Variants in ADAR observed in about 807,000 individuals in gnomAD.
The protein encoded by ADAR is adenosine deaminase RNA specific.
Under a neutral mutation model 113.2 loss-of-function variants are expected in ADAR, and 41 were observed. The observed-to-expected ratio is 0.36, with a 90% CI of 0.28 to 0.47. ADAR has a LOEUF of 0.47. ADAR is among the 20% of genes least tolerant of loss of function. The pLI is 1.00. For missense variants in ADAR, 1,242 were observed against 1,540.9 expected (o/e 0.81, Z 3.25); for synonymous variants, 605 against 572.6 (o/e 1.06, Z -0.81).
intron 1 of ADAR, among the ~76,000 whole-genome samples, chr1:154,627,334 C>T (rs1698970167): frequency 6.6e-6 from 1 of 152,218 alleles, no homozygotes; most frequent in African/African-American, 2.4e-5. Flanking sequence ...TGGCCTCCTA[C>T]GCCTTCCCTG....
chr1:154,600,906 T>C (rs1697826768), intron 2 of ADAR, 135 bp downstream of exon 2: 1 of 1,257,690 alleles, frequency 8.0e-7, no homozygotes, highest in South Asian at 1.2e-5. Flanking sequence ...CAAGGGGAAT[T>C]TAGCTAAAAG....
At chr1:154,594,133 C>G (rs757264236) in intron 6 of ADAR, among the ~76,000 whole-genome samples, 1 of 152,306 alleles carries the variant, frequency 6.6e-6, no homozygotes, top group South Asian at 2.1e-4. Context: ...CCACCCACCT[C>G]GGCCTCCCAA....
At chr1:154,588,866 C>G (rs978766690) in intron 9 of ADAR, among the ~76,000 whole-genome samples, 193 bp from the exon 10 acceptor site, 2 of 152,232 alleles carry the variant, frequency 1.3e-5, no homozygotes, top group Non-Finnish European at 2.9e-5. Flanking sequence ...GGGTCTCCTT[C>G]ATTTCTGCTG....
Position 154,582,515 on chromosome 1 carries a change from C to T in ADAR, c.*2291G>A, listed in dbSNP as rs147198769. On this transcript the variant is annotated 3_prime_UTR_variant, in exon 15 of 15. Coordinates refer to ENST00000368474, the MANE Select transcript of ADAR (RefSeq NM_001111.5). ...CAGGGATGTGCGATCTGACACGGCT[C>T]GTTTCCAGCAGATGCGTGGAATTCA... The T allele has an allele frequency of 3.0e-4, 46 of 152,066 alleles. No homozygotes were observed. Among genetic ancestry groups the T allele is most frequent in the African/African-American group, 1.0e-3 (42 of 41,462 alleles). 9.4% of individuals were successfully genotyped at this position (152,066 alleles called of 1,614,324 possible).
chr1:154,607,905 C>G (rs1032591563), intron 1 of ADAR, 87 bp downstream of exon 1: 1 of 1,584,892 alleles, frequency 6.3e-7, no homozygotes, highest in African/African-American at 1.4e-5. Context: ...ACTCACAAGA[C>G]GCACACGCTA....
Position 154,602,551 on chromosome 1 carries a change from C to T in ADAR, c.91G>A (p.Gly31Arg). Reference sequence around the variant, plus strand: ...AAACTACTGGGGGAAGATCCTGGCCCAGGCTGCTGGTACCTGAGCTGTCTG... The same window carrying T: ...AAACTACTGGGGGAAGATCCTGGCCTAGGCTGCTGGTACCTGAGCTGTCTG... ...EHRQLRYQQP[G>R]PGSSPSSFLL... The change falls in exon 2 of 15, where the codon GGG becomes AGG. Residue 31 changes from glycine to arginine, a missense_variant. Physicochemically the swap from Gly to Arg is moderately radical, Grantham distance 125. Transcript: ENST00000368474. The T allele has an allele frequency of 1.2e-6, 2 of 1,614,202 alleles. No homozygotes were observed. Among genetic ancestry groups the T allele is most frequent in the Non-Finnish European group, 8.5e-7 (1 of 1,180,024 alleles).
At chr1:154,623,288 C>T (rs1193374590) in intron 1 of ADAR, among the ~76,000 whole-genome samples, 1 of 152,088 alleles carries the variant, frequency 6.6e-6, no homozygotes, top group Admixed American at 6.5e-5. Context: ...GGAAGGGCAA[C>T]CCAAACAGCA....
chr1:154,588,052 C>T, intron 11 of ADAR, 73 bp downstream of exon 11: 1 of 1,602,836 alleles, frequency 6.2e-7, no homozygotes, highest in Non-Finnish European at 8.5e-7. Context: ...TCCTAGCAGC[C>T]TTGTAGAGAC....
In ADAR at chr1:154,598,482, G is replaced by A; in HGVS notation, c.1705C>T (p.Leu569=). The A allele has an allele frequency of 3.1e-6, 5 of 1,614,196 alleles. No individual in the cohort carries two copies. The highest frequency in any genetic ancestry group is 4.2e-6 in the Non-Finnish European group (5 of 1,180,034). ...QDAAMKAMTI[L]LEEAKAKDSG... ...TCCTTGGCTTTGGCTTCCTCTAGCA[G>A]AATTGTCATGGCTTTCATAGCTGCA... The change falls in exon 3 of 15, where the codon CTG becomes TTG. Residue 569 remains leucine, a synonymous_variant. Coordinates refer to ENST00000368474, the MANE Select transcript of ADAR (RefSeq NM_001111.5).
At chr1:154,610,706 A>G (rs1698454482), upstream of ADAR, among the ~76,000 whole-genome samples, 1 of 148,958 alleles carries the variant, frequency 6.7e-6, no homozygotes, top group Non-Finnish European at 1.5e-5. Context: ...GCTACTGGGG[A>G]GGCTGACGTG....
In ADAR at chr1:154,598,595, A is replaced by G; in HGVS notation, c.1602-10T>C. 1 of 1,613,980 alleles carries G rather than the reference A, an allele frequency of 6.2e-7. No individual in the cohort carries two copies. The highest frequency in any genetic ancestry group is 1.7e-5 in the Admixed American group (1 of 60,030). On this transcript the variant is annotated splice_polypyrimidine_tract_variant and intron_variant, in intron 2 of 14. Coordinates refer to ENST00000368474, the MANE Select transcript of ADAR (RefSeq NM_001111.5). The stretch of plus-strand genomic sequence containing the variant: ...AACCTGGAATTTAAATCTTGACGGA[A>G]AGTGATTAGATGTGTGAACAGGAGT...
chr1:154,597,692 C>T (rs1264736988), intron 4 of ADAR, 136 bp downstream of exon 4: 11 of 1,195,254 alleles, frequency 9.2e-6, no homozygotes, highest in Admixed American at 1.9e-5. Context: ...GCAACCAGGA[C>T]CTCAGAGCCC....
At chr1:154,617,313 G>C (rs73001427) in intron 1 of ADAR, among the ~76,000 whole-genome samples, 141 of 152,282 alleles carry the variant, frequency 9.3e-4, no homozygotes, top group African/African-American at 3.1e-3. Context: ...CTGGTTCTCT[G>C]CTGGGCAGTA....
At chr1:154,585,493 C>T in intron 13 of ADAR, 149 bp from the exon 14 acceptor site, 2 of 1,125,910 alleles carry the variant, frequency 1.8e-6, no homozygotes, top group Non-Finnish European at 2.6e-6. Flanking sequence ...GACTGAGCAC[C>T]CTCTAGACAT....
chr1:154,614,115 T>C (rs561613129), intron 1 of ADAR, among the ~76,000 whole-genome samples: 7 of 152,134 alleles, frequency 4.6e-5, no homozygotes, highest in Non-Finnish European at 5.9e-5. Context: ...TGTAAAATAA[T>C]ACTAATAATA....
At chr1:154,585,948 G>A in intron 12 of ADAR, 83 bp from the exon 13 acceptor site, 1 of 1,334,914 alleles carries the variant, frequency 7.5e-7, no homozygotes, top group Admixed American at 1.9e-5. Context: ...GATTTTGGAG[G>A]TACAAGATAT....
intron 14 of ADAR, 70 bp downstream of exon 14, chr1:154,585,147 C>T (rs2101559052): frequency 3.1e-6 from 5 of 1,613,690 alleles, no homozygotes; most frequent in Non-Finnish European, 4.2e-6. Context: ...CCTGAGACTG[C>T]AGAGGTATGA....
In ADAR at chr1:154,601,596, G is replaced by A; in HGVS notation, c.1046C>T (p.Thr349Ile). Residue 349 changes from threonine to isoleucine, a missense_variant, in exon 2 of 15, where the codon ACC (threonine) becomes ATC (isoleucine). Thr to Ile is a moderately conservative substitution (Grantham distance 89, BLOSUM62 -1). Coordinates refer to ENST00000368474, the MANE Select transcript of ADAR (RefSeq NM_001111.5). This position sits in a 1 kb window ranked among gnomAD's most constrained non-coding sequence, Gnocchi z 4.7. ...RQGDVYRQGTTPPIWHLTDKK... is the reference protein window; with the variant it reads ...RQGDVYRQGTIPPIWHLTDKK... ...GTCTGTCAAATGCCATATGGGAGGG[G>A]TTGTCCCTTGTCTATAGACATCCCC... is the stretch of plus-strand genomic sequence containing the variant. 1.2e-6 allele frequency: 2 copies of A among 1,612,524 alleles called. No individual in the cohort carries two copies. The highest frequency in any genetic ancestry group is 1.7e-6 in the Non-Finnish European group (2 of 1,179,990).
chr1:154,600,990 G>A (rs1248980046), intron 2 of ADAR, 51 bp downstream of exon 2: 1 of 1,612,336 alleles, frequency 6.2e-7, no homozygotes, highest in South Asian at 1.1e-5. Flanking sequence ...TGCGTCAGGA[G>A]CAAAAGCACC....
Sources: gnomAD v4.1 joint callset for allele counts (sites outside exome capture counted in the v4.1 genomes callset) on GRCh38, gnomAD v4.1.1 for gene constraint, Gnocchi (gnomAD v3.1) non-coding constraint, MANE v1.5 for transcripts, NCBI Gene and HGNC (gene_info 2026-07-23, HGNC 2026-07-21) for gene names.